TP73: variants seen among roughly 807,000 people sequenced by gnomAD.
TP73 encodes the protein tumor protein p73.
Under a neutral mutation model 62.5 loss-of-function variants are expected in TP73, and 25 were observed. That is an observed-to-expected ratio of 0.40 (90% CI 0.29 to 0.56). TP73 has a LOEUF of 0.56. TP73 is among the 20% of genes least tolerant of loss of function. TP73 has a pLI of 0.46. For synonymous variants in TP73, 423 were observed against 377.5 expected (o/e 1.12, Z -1.40); for missense variants, 754 against 913.3 (o/e 0.83, Z 2.25).
Position 3,716,282 on chromosome 1 carries a change from C to A in TP73, c.430-5739C>A, listed in dbSNP as rs543545776. 1.6e-4 allele frequency among the ~76,000 whole-genome samples: 24 copies of A among 152,310 alleles called. No homozygotes were observed. The South Asian group carries it at 1.9e-3, about 12-fold the overall frequency. ...AGCAGACACATCTGTCTCCTGCAGC[C>A]CCCCCAGCCAGGAGCTCTTTCACAG... On this transcript the variant is annotated intron_variant, in intron 4 of 13. Coordinates refer to ENST00000378295, the MANE Select transcript of TP73 (RefSeq NM_005427.4).
chr1:3,685,039 C>T (rs1282871723), intron 3 of TP73, among the ~76,000 whole-genome samples: 2 of 152,138 alleles, frequency 1.3e-5, no homozygotes, highest in African/African-American at 4.8e-5. Context: ...CAGGAACTGG[C>T]CGCTGGACCC....
In TP73 at chr1:3,666,805, G is replaced by A. The variant is rs773477850; in HGVS notation, c.-34+14164G>A. ...GCCATGCGGGCGTCTCTCCCAGGGC[G>A]GCTTTCAGACTGACCCCCAAACAGA... On this transcript the variant is annotated intron_variant, in intron 1 of 13. Transcript: ENST00000378295. This position sits in a 1 kb window ranked among gnomAD's most constrained non-coding sequence, Gnocchi z 6.4. 2.2e-4 allele frequency among the ~76,000 whole-genome samples: 33 copies of A among 152,072 alleles called. No individual in the cohort carries two copies. Among genetic ancestry groups the A allele is most frequent in the Admixed American group, 7.2e-4 (11 of 15,270 alleles).
chr1:3,684,926 G>C (rs3753205), intron 3 of TP73, among the ~76,000 whole-genome samples: 28,827 of 152,082 alleles, frequency 0.19, 2,918 homozygotes, highest in Admixed American at 0.28. Flanking sequence ...CCCCTCTCTC[G>C]CTTTGGAACA....
chr1:3,704,146 G>A (rs768295619), intron 3 of TP73, among the ~76,000 whole-genome samples: 3 of 152,236 alleles, frequency 2.0e-5, no homozygotes, highest in Non-Finnish European at 2.9e-5. Flanking sequence ...ATAGGAGCAC[G>A]GACTGAGGGT....
intron 4 of TP73, among the ~76,000 whole-genome samples, chr1:3,718,789 G>T (rs1163550099): frequency 6.6e-6 from 1 of 152,198 alleles, no homozygotes; most frequent in Non-Finnish European, 1.5e-5. Context: ...CAGGCCATGG[G>T]CTGTGGCACT....
chr1:3,715,847 C>A (rs1038218481), intron 4 of TP73, among the ~76,000 whole-genome samples: 4 of 152,230 alleles, frequency 2.6e-5, no homozygotes, highest in African/African-American at 4.8e-5. Flanking sequence ...TCAGCACATA[C>A]CTGCTTCCCT....
Position 3,682,353 on chromosome 1 carries a change from C to A in TP73, c.-13C>A. On this transcript the variant is annotated 5_prime_UTR_variant, in exon 2 of 14. Coordinates refer to ENST00000378295, the MANE Select transcript of TP73 (RefSeq NM_005427.4). The stretch of plus-strand genomic sequence containing the variant: ...TGCAGAGCGAGCTGCCCTCGGAGGC[C>A]GGCGTGGGGAAGATGGCCCAGTCCA... 6.6e-7 allele frequency: 1 copy of A among 1,524,896 alleles called. No homozygotes were observed. Among genetic ancestry groups the A allele is most frequent in the Non-Finnish European group, 8.9e-7 (1 of 1,128,306 alleles). The allele number at this position is 1,524,896 out of a possible 1,614,324, so 94.5% of individuals were successfully genotyped here. A position where few individuals can be genotyped will look rare whatever the true frequency, so the allele number is the denominator to read the frequency against.
intron 4 of TP73, among the ~76,000 whole-genome samples, chr1:3,711,198 G>A (rs1387346594): frequency 6.6e-6 from 1 of 152,230 alleles, no homozygotes; most frequent in Non-Finnish European, 1.5e-5. Flanking sequence ...CTTAGGTCAG[G>A]GCAGGGTACC....
rs186803140 is a variant in TP73 at position 3,662,534 on chromosome 1, C to T, written c.-34+9893C>T. 2.0e-4 allele frequency among the ~76,000 whole-genome samples: 31 copies of T among 152,330 alleles called. 1 individual carries two copies. In the South Asian group the frequency reaches 3.1e-3, roughly 15 times the overall value. On this transcript the variant is annotated intron_variant, in intron 1 of 13. Coordinates refer to ENST00000378295, the MANE Select transcript of TP73 (RefSeq NM_005427.4). This position sits in a 1 kb window ranked among gnomAD's most constrained non-coding sequence, Gnocchi z 4.4. ...TCAGGCGATCAGAGTTACCTGGAGCCGCTCTCCTCCCGGCATAGAGACCTT... is the reference window on the plus strand; with the variant it reads ...TCAGGCGATCAGAGTTACCTGGAGCTGCTCTCCTCCCGGCATAGAGACCTT...
Position 3,711,839 on chromosome 1 carries a change from C to CGTGT in TP73, c.429+4051_429+4054dup, listed in dbSNP as rs533054348. Among the ~76,000 whole-genome samples the CGTGT allele has an allele frequency of 5.0e-3, 733 of 146,142 alleles. 6 individuals are homozygous for CGTGT. The highest frequency in any genetic ancestry group is 7.3e-3 in the East Asian group (37 of 5,076). On this transcript the variant is annotated intron_variant, in intron 4 of 13. Transcript: ENST00000378295. ...GACTCAGCGTGTGTGTGTGCGCGAG[C>CGTGT]GTGTGTATGTGTGTGTGTGTGTGTG... is the stretch of plus-strand genomic sequence containing the variant.
chr1:3,687,007 C>T (rs764798212), intron 3 of TP73, among the ~76,000 whole-genome samples: 17 of 152,272 alleles, frequency 1.1e-4, no homozygotes, highest in South Asian at 8.3e-4. Context: ...AGCTGCTCCT[C>T]GGACACCAGA....
intron 3 of TP73, among the ~76,000 whole-genome samples, chr1:3,691,211 A>T (rs923872727): frequency 6.6e-6 from 1 of 152,050 alleles, no homozygotes; most frequent in African/African-American, 2.4e-5. Context: ...GTCCATGCCG[A>T]TGGGGCTGCT....
rs1315577467 is a variant in TP73 at position 3,734,207 on chromosome 1, GAAC to G, written c.*1130_*1132del. The G allele has an allele frequency of 6.6e-6, 1 of 152,384 alleles. No homozygotes were observed. The highest frequency in any genetic ancestry group is 1.5e-5 in the Non-Finnish European group (1 of 68,206). 9.4% of individuals were successfully genotyped at this position (152,384 alleles called of 1,614,324 possible). On this transcript the variant is annotated 3_prime_UTR_variant, in exon 14 of 14. Coordinates refer to ENST00000378295, the MANE Select transcript of TP73 (RefSeq NM_005427.4). This position sits in a 1 kb window ranked among gnomAD's most constrained non-coding sequence, Gnocchi z 4.4. ...TCCTTTCTAGGCGGTGGCAGTCAGG[GAAC>G]AGACTGAGGTAGGTGTAGGGGGGTC...
At chr1:3,689,754 C>T (rs748135785) in intron 3 of TP73, among the ~76,000 whole-genome samples, 33 of 152,250 alleles carry the variant, frequency 2.2e-4, no homozygotes, top group Admixed American at 3.3e-4. Context: ...ATGGATTTCT[C>T]AGCTCCCCAT....
intron 6 of TP73, among the ~76,000 whole-genome samples, chr1:3,724,744 C>T (rs780588690): frequency 2.0e-4 from 31 of 152,230 alleles, no homozygotes; most frequent in Non-Finnish European, 3.5e-4. Context: ...CATGGCTGGG[C>T]GCAGTGGCTC....
At chr1:3,684,702 T>A (rs1382010254) in intron 3 of TP73, among the ~76,000 whole-genome samples, 2 of 152,066 alleles carry the variant, frequency 1.3e-5, no homozygotes, top group Non-Finnish European at 2.9e-5. Context: ...GGGGGGTCAA[T>A]TCCTCCGAGG....
intron 5 of TP73, 61 bp from the exon 6 acceptor site, chr1:3,723,293 C>A: frequency 7.1e-7 from 1 of 1,405,916 alleles, no homozygotes; most frequent in Non-Finnish European, 1.0e-6. Context: ...CACCTCTCTG[C>A]ACCTAGCACA....
chr1:3,663,584 C>T lies in TP73; in HGVS notation c.-34+10943C>T, dbSNP rs972512613. Among the ~76,000 whole-genome samples, 4 of 151,744 alleles carry T rather than the reference C, an allele frequency of 2.6e-5. No individual in the cohort carries two copies. Among genetic ancestry groups the T allele is most frequent in the Non-Finnish European group, 4.4e-5 (3 of 67,970 alleles). On this transcript the variant is annotated intron_variant, in intron 1 of 13. Transcript: ENST00000378295. The surrounding 1 kb of genome is among the most constrained non-coding windows in gnomAD (Gnocchi z 4.7). ...ACAAAAAATTAGCCAGGCGTGGTGG[C>T]GGGCGCCTGTAGTCCCAGCTACTCG...
intron 3 of TP73, among the ~76,000 whole-genome samples, chr1:3,688,840 G>A (rs542262878): frequency 3.1e-4 from 47 of 152,312 alleles, no homozygotes; most frequent in Admixed American, 2.7e-3. Context: ...GGTGGGGCTC[G>A]TGCTGAAGGC....
Sources: allele counts gnomAD v4.1 joint callset (sites outside exome capture counted in the v4.1 genomes callset), GRCh38; gene constraint gnomAD v4.1.1; non-coding constraint Gnocchi (gnomAD v3.1); transcripts MANE v1.5; gene names NCBI Gene and HGNC (gene_info 2026-07-23, HGNC 2026-07-21).